The following CCDC201 variants were observed in gnomAD, a reference collection of about 807,000 sequenced individuals.
CCDC201 encodes the protein coiled-coil domain containing 201, also known as coiled-coil domain-containing protein 201.
At chr7:45,883,189 C>A in the CCDC201 span, among the ~76,000 whole-genome samples, 1 of 152,076 alleles carries the variant, frequency 6.6e-6, no homozygotes, top group African/African-American at 2.4e-5. Context: ...ATCAAATGGG[C>A]ATGGGGCACC....
chr7:45,864,197 G>C (rs536088369), intron 2 of CCDC201, among the ~76,000 whole-genome samples: 1 of 152,304 alleles, frequency 6.6e-6, no homozygotes, highest in Admixed American at 6.5e-5. Context: ...CAGAAACTCA[G>C]TTTGTCACAG....
chr7:45,874,719 T>C (rs1786779549), upstream of CCDC201, among the ~76,000 whole-genome samples: 1 of 152,212 alleles, frequency 6.6e-6, no homozygotes, highest in Non-Finnish European at 1.5e-5. Flanking sequence ...CAACTTGCCC[T>C]GGTTGGCGCA....
chr7:45,869,579 A>T (rs1232554389), intron 1 of CCDC201, among the ~76,000 whole-genome samples: 2 of 152,088 alleles, frequency 1.3e-5, no homozygotes, highest in Non-Finnish European at 2.9e-5. Flanking sequence ...GAGTATGTTT[A>T]TTTTGTACAT....
the CCDC201 span, among the ~76,000 whole-genome samples, chr7:45,880,911 T>C: frequency 1.3e-5 from 2 of 152,166 alleles, no homozygotes; most frequent in African/African-American, 4.8e-5. Flanking sequence ...TGTGTTGGAC[T>C]GATGGCCTCA....
At chr7:45,875,545 A>G (rs1371751733), upstream of CCDC201, among the ~76,000 whole-genome samples, 1 of 152,230 alleles carries the variant, frequency 6.6e-6, no homozygotes, top group Non-Finnish European at 1.5e-5. Context: ...TCCAGATGGC[A>G]GGATGGTGGA....
exon 3 of CCDC201, chr7:45,860,726 G>A (rs889267673): frequency 1.3e-5 from 2 of 152,168 alleles, no homozygotes; most frequent in African/African-American, 2.4e-5. Context: ...AAGCTTTGTA[G>A]CAGCCAAACA....
At chr7:45,885,164 C>T in the CCDC201 span, among the ~76,000 whole-genome samples, 6 of 152,260 alleles carry the variant, frequency 3.9e-5, no homozygotes, top group East Asian at 1.2e-3. Context: ...ACAGCAAGAC[C>T]AGAGTCATGG....
chr7:45,878,987 G>A, the CCDC201 span, among the ~76,000 whole-genome samples: 1 of 152,202 alleles, frequency 6.6e-6, no homozygotes, highest in Non-Finnish European at 1.5e-5. Context: ...GTCATGTCTT[G>A]AATGCTTTGC....
At chr7:45,881,382 G>T in the CCDC201 span, among the ~76,000 whole-genome samples, 1 of 152,158 alleles carries the variant, frequency 6.6e-6, no homozygotes, top group Non-Finnish European at 1.5e-5. Flanking sequence ...GCAAGTGCGG[G>T]CCCAGAAGTG....
the CCDC201 span, among the ~76,000 whole-genome samples, chr7:45,880,113 T>C: frequency 6.6e-6 from 1 of 152,100 alleles, no homozygotes; most frequent in East Asian, 1.9e-4. Context: ...AGTTACTGAA[T>C]CTGCAAACAT....
chr7:45,870,886 A>C (rs1407883638), intron 1 of CCDC201, among the ~76,000 whole-genome samples: 1 of 152,228 alleles, frequency 6.6e-6, no homozygotes, highest in Non-Finnish European at 1.5e-5. Context: ...TAAATTCTTC[A>C]ACTTCAAAAA....
At chr7:45,864,441 A>G (rs1175737997) in intron 2 of CCDC201, among the ~76,000 whole-genome samples, 1 of 152,144 alleles carries the variant, frequency 6.6e-6, no homozygotes, top group Non-Finnish European at 1.5e-5. Flanking sequence ...ACATTAACCC[A>G]TGGGGATGCT....
chr7:45,879,097 T>C, the CCDC201 span, among the ~76,000 whole-genome samples: 1 of 152,356 alleles, frequency 6.6e-6, no homozygotes, highest in Middle Eastern at 3.4e-3. Context: ...TAGTCTCTGC[T>C]AAAGCATAGC....
intron 2 of CCDC201, among the ~76,000 whole-genome samples, chr7:45,864,899 G>T (rs7794738): frequency 0.1 from 15,215 of 152,120 alleles, 829 homozygotes; most frequent in Admixed American, 0.12. Context: ...AGAGCCCAAG[G>T]TTAGGAAGGA....
intron 2 of CCDC201, among the ~76,000 whole-genome samples, chr7:45,863,787 AG>A (rs1786631844): frequency 6.6e-6 from 1 of 151,528 alleles, no homozygotes; most frequent in African/African-American, 2.4e-5. Flanking sequence ...GTCAGTGGTC[AG>A]TGTCTTCCTA....
chr7:45,876,649 A>T (rs530660440), upstream of CCDC201, among the ~76,000 whole-genome samples: 2 of 152,142 alleles, frequency 1.3e-5, no homozygotes, highest in Non-Finnish European at 2.9e-5. Flanking sequence ...CAGTGTAAGG[A>T]TATTTTGTTT....
At chr7:45,879,993 G>C in the CCDC201 span, among the ~76,000 whole-genome samples, 2,035 of 152,258 alleles carry the variant, frequency 0.013, 33 homozygotes, top group African/African-American at 0.046. Context: ...GGCTGAGGCA[G>C]GAGAATCACT....
chr7:45,877,726 C>T (rs1256596259), upstream of CCDC201, among the ~76,000 whole-genome samples: 1 of 152,186 alleles, frequency 6.6e-6, no homozygotes, highest in Non-Finnish European at 1.5e-5. Context: ...TTGGGAATTA[C>T]AATTCAACAG....
chr7:45,872,415 A>G (rs770486880), intron 1 of CCDC201, among the ~76,000 whole-genome samples: 1 of 152,204 alleles, frequency 6.6e-6, no homozygotes, highest in South Asian at 2.1e-4. Flanking sequence ...TTCCTTTTGC[A>G]TCTAGAGCAT....
Sources: allele counts gnomAD v4.1 joint callset (sites outside exome capture counted in the v4.1 genomes callset), GRCh38; gene constraint gnomAD v4.1.1; transcripts MANE v1.5; gene names NCBI Gene and HGNC (gene_info 2026-07-23, HGNC 2026-07-21).